TBC1D32: variants seen among roughly 807,000 people sequenced by gnomAD.
The protein encoded by TBC1D32 is TBC1 domain family member 32, also known as protein broad-minded.
In TBC1D32, 151 loss-of-function variants were observed where a neutral mutation model predicts 170.3. The observed-to-expected ratio is 0.89, with a 90% CI of 0.78 to 1.01. TBC1D32 has a LOEUF of 1.01. Among genes scored for constraint, TBC1D32 ranks in the 50% least tolerant of loss-of-function variants. The pLI, the probability that TBC1D32 is intolerant of heterozygous loss-of-function variation, is 0.00. For missense variants in TBC1D32, 1,464 were observed against 1,457.1 expected (o/e 1.00, Z -0.08); for synonymous variants, 498 against 488.0 (o/e 1.02, Z -0.27).
chr6:121,304,785 G>T lies in TBC1D32; in HGVS notation c.739C>A (p.His247Asn). 1 of 1,609,378 alleles carries T rather than the reference G, an allele frequency of 6.2e-7. No homozygotes were observed. The highest frequency in any genetic ancestry group is 8.5e-7 in the Non-Finnish European group (1 of 1,178,352). The change falls in exon 6 of 32, where the codon CAT (histidine) becomes AAT (asparagine). Residue 247 changes from histidine (H) to asparagine (N), a missense_variant. By Grantham distance (68) the His-to-Asn change is moderately conservative. This residue lies in a region of TBC1D32 where 1,363 missense variants were observed against 1,338.1 expected (regional missense o/e 1.02). Coordinates refer to ENST00000398212, the MANE Select transcript of TBC1D32 (RefSeq NM_152730.6). ...CTTGTATAAATTTCCTTGGTCATATGTAATGGAGAAAGCAAAAATGTCTGT... is the reference window on the plus strand; with the variant it reads ...CTTGTATAAATTTCCTTGGTCATATTTAATGGAGAAAGCAAAAATGTCTGT... ...CAQTFLLSPL[H>N]MTKEIYTSLA... is the part of the protein sequence containing the mutation.
intron 31 of TBC1D32, among the ~76,000 whole-genome samples, chr6:121,086,487 T>C (rs1268943017): frequency 6.6e-6 from 1 of 152,128 alleles, no homozygotes; most frequent in African/African-American, 2.4e-5. Context: ...GATCTTCATT[T>C]CTCACCCTGT....
At chr6:121,093,827 T>C (rs1777093895) in intron 30 of TBC1D32, among the ~76,000 whole-genome samples, 1 of 152,150 alleles carries the variant, frequency 6.6e-6, no homozygotes, top group African/African-American at 2.4e-5. Context: ...TGAGAGACTG[T>C]AACAGAAAGT....
intron 12 of TBC1D32, among the ~76,000 whole-genome samples, chr6:121,287,607 T>C (rs898828090): frequency 2.0e-5 from 3 of 152,050 alleles, no homozygotes; most frequent in African/African-American, 7.2e-5. Context: ...GACGGAAAGT[T>C]AACAAGGATA....
chr6:121,087,696 T>C (rs1397953504), intron 31 of TBC1D32, among the ~76,000 whole-genome samples: 1 of 152,196 alleles, frequency 6.6e-6, no homozygotes, highest in African/African-American at 2.4e-5. Flanking sequence ...AGATGCTTGA[T>C]CTATTTATTT....
intron 22 of TBC1D32, among the ~76,000 whole-genome samples, chr6:121,197,571 T>C (rs1445366378): frequency 6.6e-6 from 1 of 152,230 alleles, no homozygotes; most frequent in African/African-American, 2.4e-5. Flanking sequence ...ACATAAGATT[T>C]ATTGACTTCA....
At chr6:121,213,057 A>G (rs542897479) in intron 21 of TBC1D32, among the ~76,000 whole-genome samples, 84 of 152,320 alleles carry the variant, frequency 5.5e-4, no homozygotes, top group Non-Finnish European at 1.0e-3. Flanking sequence ...TCTCAAAATA[A>G]TAAGAACCTT....
In TBC1D32 at chr6:121,097,743, C is replaced by T. The variant is rs1053350091; in HGVS notation, c.3466-6702G>A. On this transcript the variant is annotated intron_variant, in intron 30 of 31. Coordinates refer to ENST00000398212, the MANE Select transcript of TBC1D32 (RefSeq NM_152730.6). ...ATGCTGCTATAAAGACACATGCACACGTATGTTTATAGCGGCACTATTCAC... is the reference window on the plus strand; with the variant it reads ...ATGCTGCTATAAAGACACATGCACATGTATGTTTATAGCGGCACTATTCAC... 1.1e-4 allele frequency among the ~76,000 whole-genome samples: 17 copies of T among 152,048 alleles called. 1 individual carries two copies. Among genetic ancestry groups the T allele is most frequent in the South Asian group, 8.3e-4 (4 of 4,824 alleles).
intron 1 of TBC1D32, among the ~76,000 whole-genome samples, chr6:121,328,423 C>T (rs115698296): frequency 0.016 from 2,418 of 151,950 alleles, 77 homozygotes; most frequent in African/African-American, 0.055. Flanking sequence ...GTAGCGACGA[C>T]TACAGATGCC....
At chr6:121,281,796 C>A in intron 13 of TBC1D32, 110 bp from the exon 14 acceptor site, 3 of 740,572 alleles carry the variant, frequency 4.1e-6, no homozygotes, top group Non-Finnish European at 6.1e-6. Context: ...TTCAGTACTT[C>A]AAAAGTCATA....
At chr6:121,325,760 C>G (rs1810376230) in intron 1 of TBC1D32, among the ~76,000 whole-genome samples, 1 of 152,132 alleles carries the variant, frequency 6.6e-6, no homozygotes, top group Non-Finnish European at 1.5e-5. Flanking sequence ...CAACAAAAGT[C>G]AAAATTGACA....
At chr6:121,169,100 C>T (rs1786577946) in intron 22 of TBC1D32, among the ~76,000 whole-genome samples, 1 of 152,026 alleles carries the variant, frequency 6.6e-6, no homozygotes, top group South Asian at 2.1e-4. Flanking sequence ...AAAAAGACCT[C>T]AAATAGCCAA....
intron 17 of TBC1D32, among the ~76,000 whole-genome samples, chr6:121,242,713 C>T (rs1273120579): frequency 6.6e-6 from 1 of 152,022 alleles, no homozygotes; most frequent in East Asian, 1.9e-4. Flanking sequence ...ACTTTCTTTT[C>T]ATTATAAAGT....
chr6:121,218,031 C>T (rs79983619), intron 21 of TBC1D32, among the ~76,000 whole-genome samples: 1,881 of 152,226 alleles, frequency 0.012, 39 homozygotes, highest in African/African-American at 0.043. Flanking sequence ...GACTAAGATG[C>T]CTGTGATTGT....
At chr6:121,287,915 C>A (rs921967103) in intron 12 of TBC1D32, among the ~76,000 whole-genome samples, 1 of 152,054 alleles carries the variant, frequency 6.6e-6, no homozygotes, top group Non-Finnish European at 1.5e-5. Flanking sequence ...GGGTACATAA[C>A]AAAATGAAGG....
At chr6:121,268,225 C>A (rs142789472) in intron 15 of TBC1D32, among the ~76,000 whole-genome samples, 4,993 of 152,206 alleles carry the variant, frequency 0.033, 196 homozygotes, top group East Asian at 0.12. Context: ...TGCAGCTCCT[C>A]GCCAGCAACA....
chr6:121,312,089 T>A (rs1274057831), intron 3 of TBC1D32, among the ~76,000 whole-genome samples: 1 of 151,984 alleles, frequency 6.6e-6, no homozygotes, highest in Non-Finnish European at 1.5e-5. Context: ...TCATCTGTCT[T>A]GGAACAAAAA....
intron 5 of TBC1D32, among the ~76,000 whole-genome samples, chr6:121,306,688 A>G (rs1342167514): frequency 1.3e-5 from 2 of 152,150 alleles, no homozygotes; most frequent in East Asian, 1.9e-4. Flanking sequence ...TTCCCATCAT[A>G]GATACTACCT....
chr6:121,286,785 C>G, intron 12 of TBC1D32, among the ~76,000 whole-genome samples: 1 of 152,230 alleles, frequency 6.6e-6, no homozygotes. Flanking sequence ...GGAAGCCCAT[C>G]AGACTAACAG....
intron 15 of TBC1D32, among the ~76,000 whole-genome samples, chr6:121,263,851 G>C (rs1025213923): frequency 1.3e-5 from 2 of 152,130 alleles, no homozygotes; most frequent in Non-Finnish European, 2.9e-5. Context: ...GGTAAATAAT[G>C]AAAGTAAGGC....
Sources: gnomAD v4.1 joint callset for allele counts (sites outside exome capture counted in the v4.1 genomes callset) on GRCh38, gnomAD v4.1.1 for gene constraint, gnomAD v4.1.1 regional missense constraint, MANE v1.5 for transcripts, NCBI Gene and HGNC (gene_info 2026-07-23, HGNC 2026-07-21) for gene names.